The following KCNH6 variants were observed in gnomAD, a reference collection of about 807,000 sequenced individuals.
KCNH6 encodes potassium voltage-gated channel subfamily H member 6.
Under a neutral mutation model 83.4 loss-of-function variants are expected in KCNH6, and 81 were observed. That is an observed-to-expected ratio of 0.97 (90% CI 0.81 to 1.17). KCNH6 has a LOEUF of 1.17. Ranked by LOEUF, KCNH6 falls within the 50% of genes most tolerant of loss-of-function variation. KCNH6 has a pLI of 0.00. For synonymous variants in KCNH6, 503 were observed against 545.6 expected (o/e 0.92, Z 1.09); for missense variants, 1,203 against 1,290.5 (o/e 0.93, Z 1.04).
rs761118253 is a variant in KCNH6, at chr17:63,538,232, T to C, written c.1669T>C (p.Trp557Arg). 1.4e-5 allele frequency: 22 copies of C among 1,614,152 alleles called. No homozygotes were observed. In the South Asian group the frequency reaches 2.1e-4, roughly 15 times the overall value. ...QRLEEYFQHA[W>R]SYTNGIDMNA... is the part of the protein sequence containing the mutation. ...CCTGGAGGAGTATTTCCAGCACGCC[T>C]GGTCCTACACCAATGGCATTGACAT... Residue 557 changes from tryptophan to arginine, a missense_variant, in exon 7 of 13, where the codon TGG becomes CGG. Coordinates refer to ENST00000314672, the MANE Select transcript of KCNH6 (RefSeq NM_001278919.2). This position sits in a 1 kb window ranked among gnomAD's most constrained non-coding sequence, Gnocchi z 4.0.
At chr17:63,537,975 G>A in intron 6 of KCNH6, 90 bp from the exon 7 acceptor site, 1 of 1,278,656 alleles carries the variant, frequency 7.8e-7, no homozygotes, top group Non-Finnish European at 1.1e-6. Context: ...CTTCACCAGG[G>A]GGCTGCTGGA....
chr17:63,543,824 C>T (rs995429832), intron 10 of KCNH6, among the ~76,000 whole-genome samples, 164 bp downstream of exon 10: 1 of 152,092 alleles, frequency 6.6e-6, no homozygotes, highest in East Asian at 1.9e-4. Context: ...TCCTTCCTCC[C>T]CAGTCTCCCA....
Position 63,545,048 on chromosome 17 carries a change from T to C in KCNH6, c.2397-30T>C, listed in dbSNP as rs765575789. 6.2e-6 allele frequency: 10 copies of C among 1,607,124 alleles called. No individual in the cohort carries two copies. In the East Asian group the frequency reaches 1.8e-4, roughly 29 times the overall value. On this transcript the variant is annotated intron_variant, in intron 11 of 12. Transcript: ENST00000314672. ...CCTCAGGAACTACTTTTGCCAGCCC[T>C]GACCCTGACTGTGGGGTTCTGTCTG...
chr17:63,536,643 C>T (rs1177339469), intron 6 of KCNH6, among the ~76,000 whole-genome samples: 2 of 141,326 alleles, frequency 1.4e-5, no homozygotes, highest in African/African-American at 2.6e-5. Context: ...GACTCCGTCT[C>T]AAAAAAGAAA....
chr17:63,530,230 G>T lies in KCNH6; in HGVS notation c.447G>T (p.Leu149Phe). ...CSSRSLSQRL[L>F]SQSFLGSEGS... ...GCCGCAGCTTGTCCCAGCGCCTGTT[G>T]TCCCAGAGCTTCCTGGGCTCCGGTG... The change falls in exon 3 of 13, where the codon TTG (leucine) becomes TTT (phenylalanine). Residue 149 changes from leucine (L) to phenylalanine (F), a missense_variant. Coordinates refer to ENST00000314672, the MANE Select transcript of KCNH6 (RefSeq NM_001278919.2). The T allele has an allele frequency of 6.2e-7, 1 of 1,614,158 alleles. No individual in the cohort carries two copies. Among genetic ancestry groups the T allele is most frequent in the Non-Finnish European group, 8.5e-7 (1 of 1,179,978 alleles).
rs753311099 is a variant in KCNH6, at chr17:63,535,982, G to A, written c.1415G>A (p.Ser472Asn). Residue 472 changes from serine to asparagine, a missense_variant, in exon 6 of 13, where the codon AGC becomes AAC. By Grantham distance (46) the Ser-to-Asn change is conservative (BLOSUM62 1). Transcript: ENST00000314672. This position sits in a 1 kb window ranked among gnomAD's most constrained non-coding sequence, Gnocchi z 4.9. ...KYVTALYFTF[S>N]SLTSVGFGNV... ...GTCACAGCCCTCTACTTCACCTTCA[G>A]CAGCCTCACCAGCGTGGGCTTCGGC... The A allele has an allele frequency of 1.2e-6, 2 of 1,613,848 alleles. No individual in the cohort carries two copies. Among genetic ancestry groups the A allele is most frequent in the East Asian group, 2.2e-5 (1 of 44,876 alleles).
rs555571284 is a variant in KCNH6 at position 63,535,341 on chromosome 17, C to A, written c.1102-328C>A. 1.2e-4 allele frequency among the ~76,000 whole-genome samples: 19 copies of A among 152,320 alleles called. No homozygotes were observed. The East Asian group carries it at 3.7e-3, about 29-fold the overall frequency. ...CCTGAGCCAGGAGTGCCCTTTCCCTCTCTCTCCTGTCTGTCTGGAGCCCTA... is the reference window on the plus strand; with the variant it reads ...CCTGAGCCAGGAGTGCCCTTTCCCTATCTCTCCTGTCTGTCTGGAGCCCTA... On this transcript the variant is annotated intron_variant, in intron 5 of 12. Transcript: ENST00000314672. This position sits in a 1 kb window ranked among gnomAD's most constrained non-coding sequence, Gnocchi z 4.9.
chr17:63,542,186 C>T (rs2032900122), intron 8 of KCNH6, 55 bp from the exon 9 acceptor site: 3 of 1,585,286 alleles, frequency 1.9e-6, no homozygotes, highest in South Asian at 2.3e-5. Context: ...AAAGGACCCT[C>T]ATAAGGGAGC....
At chr17:63,545,433 C>G (rs1365286393) in intron 12 of KCNH6, among the ~76,000 whole-genome samples, 169 bp downstream of exon 12, 2 of 152,192 alleles carry the variant, frequency 1.3e-5, no homozygotes, top group African/African-American at 4.8e-5. Context: ...TTAGCCTGGG[C>G]AAGGTGCTGG....
At chr17:63,543,358 G>A (rs1833152688) in intron 9 of KCNH6, among the ~76,000 whole-genome samples, 1 of 151,956 alleles carries the variant, frequency 6.6e-6, no homozygotes. Context: ...GCCATCAGGT[G>A]GCCAGAATGC....
In KCNH6 at chr17:63,545,789, A is replaced by T. The variant is rs923197084; in HGVS notation, c.2764A>T (p.Ile922Phe). 1 of 1,613,154 alleles carries T rather than the reference A, an allele frequency of 6.2e-7. No individual in the cohort carries two copies. Among genetic ancestry groups the T allele is most frequent in the Non-Finnish European group, 8.5e-7 (1 of 1,179,272 alleles). Residue 922 changes from isoleucine to phenylalanine, a missense_variant, in exon 13 of 13, where the codon ATC (isoleucine) becomes TTC (phenylalanine). By Grantham distance (21) the Ile-to-Phe change is conservative (BLOSUM62 0). Transcript: ENST00000314672. ...ACATCCCCTGGAAGTACAAGGACTC[A>T]TCTGTGGTCCCTGCTTCTCCTCCCT... ...PLHPLEVQGL[I>F]CGPCFSSLPE...
chr17:63,545,651 A>G lies in KCNH6; in HGVS notation c.2626A>G (p.Arg876Gly). The change falls in exon 13 of 13, where the codon AGG (arginine) becomes GGG (glycine). Residue 876 changes from arginine (R) to glycine (G), a missense_variant. Transcript: ENST00000314672. ...CTTGGATGACTGTAGTCCAAAGCAC[A>G]GGAACTCCTCCCCCAGGATGCCTCA... is the stretch of plus-strand genomic sequence containing the variant. ...GDLDDCSPKH[R>G]NSSPRMPHLA... 1.2e-6 allele frequency: 2 copies of G among 1,614,020 alleles called. No homozygotes were observed. The highest frequency in any genetic ancestry group is 1.7e-6 in the Non-Finnish European group (2 of 1,180,000).
rs2031545167 is a variant in KCNH6, at chr17:63,524,247, A to G, written c.185A>G (p.Gln62Arg). The G allele has an allele frequency of 6.2e-7, 1 of 1,614,088 alleles. No homozygotes were observed. The highest frequency in any genetic ancestry group is 1.3e-5 in the African/African-American group (1 of 75,058). ...FGYSRVEVMQ[Q>R]PCTCDFLTGP... ...TACTCCCGAGTGGAGGTGATGCAGC[A>G]ACCCTGCACCTGCGACTTCCTCACA... Residue 62 changes from glutamine to arginine, a missense_variant, in exon 2 of 13, where the codon CAA (glutamine) becomes CGA (arginine). Physicochemically the swap from Gln to Arg is conservative, Grantham distance 43 (BLOSUM62 1). Coordinates refer to ENST00000314672, the MANE Select transcript of KCNH6 (RefSeq NM_001278919.2).
chr17:63,530,722 CCTGCCCTGAGGTCACAGCCCTT>C (rs2032050196), intron 4 of KCNH6, among the ~76,000 whole-genome samples, 180 bp downstream of exon 4: 1 of 152,210 alleles, frequency 6.6e-6, no homozygotes, highest in African/African-American at 2.4e-5. Context: ...GACCTGAAGG[CCTGCCCTGAGGTCACAGCCCTT>C]GTGCCCAGCT....
chr17:63,538,101 C>T lies in KCNH6; in HGVS notation c.1538C>T (p.Ala513Val), dbSNP rs530673616. The change falls in exon 7 of 13, where the codon GCG becomes GTG. Residue 513 changes from alanine to valine, a missense_variant. Coordinates refer to ENST00000314672, the MANE Select transcript of KCNH6 (RefSeq NM_001278919.2). The surrounding 1 kb of genome is among the most constrained non-coding windows in gnomAD (Gnocchi z 4.0). Reference protein sequence around the residue: ...MYASIFGNVSAIIQRLYSGTA... With the variant: ...MYASIFGNVSVIIQRLYSGTA... ...GCCAGCATCTTCGGGAACGTGTCCG[C>T]GATCATCCAGCGCCTGTACTCGGGC... 231 of 1,613,970 alleles carry T rather than the reference C, an allele frequency of 1.4e-4. 4 individuals are homozygous for T. The South Asian group carries it at 2.4e-3, about 17-fold the overall frequency.
chr17:63,524,746 C>T (rs1054960247), intron 2 of KCNH6, among the ~76,000 whole-genome samples: 5 of 152,194 alleles, frequency 3.3e-5, no homozygotes, highest in African/African-American at 9.7e-5. Context: ...GGAGTCACCT[C>T]CTGAAGACCT....
In KCNH6 at chr17:63,535,555, A is replaced by G. The variant is rs564097144; in HGVS notation, c.1102-114A>G. On this transcript the variant is annotated intron_variant, in intron 5 of 12. Coordinates refer to ENST00000314672, the MANE Select transcript of KCNH6 (RefSeq NM_001278919.2). The surrounding 1 kb of genome is among the most constrained non-coding windows in gnomAD (Gnocchi z 4.9). The stretch of plus-strand genomic sequence containing the variant: ...GTGCGTGGCCCGGAGGAAGTTCTCC[A>G]TAAATGTTTGTTGAATGAGTATGTG... 9.5e-5 allele frequency: 97 copies of G among 1,025,420 alleles called. No homozygotes were observed. In the South Asian group the frequency reaches 1.5e-3, roughly 15 times the overall value. The allele number at this position is 1,025,420 out of a possible 1,614,324, so 63.5% of individuals were successfully genotyped here.
Position 63,536,052 on chromosome 17 carries a change from C to A in KCNH6, c.1485C>A (p.Cys495Ter). The change falls in exon 6 of 13, where the codon TGC becomes TGA. Residue 495 changes from cysteine to a stop codon, truncating the protein, a stop_gained. Coordinates refer to ENST00000314672, the MANE Select transcript of KCNH6 (RefSeq NM_001278919.2). LOFTEE classifies it high-confidence loss of function. ...ACTCCGAGAAGGTCTTCTCCATCTG[C>A]GTCATGCTCATCGGCTGTGAGTGAG... ...NTNSEKVFSI[C>*]VMLIGSLMYA... The A allele has an allele frequency of 6.2e-7, 1 of 1,613,204 alleles. No individual in the cohort carries two copies. Among genetic ancestry groups the A allele is most frequent in the Non-Finnish European group, 8.5e-7 (1 of 1,179,780 alleles).
chr17:63,544,355 T>TTGC lies in KCNH6; in HGVS notation c.2343_2345dup (p.Cys781dup). On this transcript the variant is annotated inframe_insertion, in exon 11 of 13. Transcript: ENST00000314672. Reference sequence around the variant, plus strand: ...CCCAAAGCCCTCAGGAAGACCCAGATTGCTGGCCTCTGAAGCTGGGCTCCA... The same window carrying TTGC: ...CCCAAAGCCCTCAGGAAGACCCAGATTGCTGCTGGCCTCTGAAGCTGGGCTCCA... 1 of 1,611,318 alleles carries TTGC rather than the reference T, an allele frequency of 6.2e-7. No individual in the cohort carries two copies. The highest frequency in any genetic ancestry group is 8.5e-7 in the Non-Finnish European group (1 of 1,178,796).
Sources: allele counts gnomAD v4.1 joint callset (sites outside exome capture counted in the v4.1 genomes callset), GRCh38; gene constraint gnomAD v4.1.1; non-coding constraint Gnocchi (gnomAD v3.1); transcripts MANE v1.5; gene names NCBI Gene and HGNC (gene_info 2026-07-23, HGNC 2026-07-21).